NTN4: variants seen among roughly 807,000 people sequenced by gnomAD.
The protein encoded by NTN4 is netrin 4.
NTN4 carries 32 observed loss-of-function variants against 73.6 expected under a neutral mutation model. That is an observed-to-expected ratio of 0.44 (90% CI 0.33 to 0.58). The LOEUF is 0.58. Among genes scored for constraint, NTN4 ranks in the 20% least tolerant of loss-of-function variants. The pLI, the probability that NTN4 is intolerant of heterozygous loss-of-function variation, is 0.04. For missense variants in NTN4, 654 were observed against 798.3 expected (o/e 0.82, Z 2.18); for synonymous variants, 258 against 287.5 (o/e 0.90, Z 1.04).
At chr12:95,679,956 T>A (rs2078303110) in intron 7 of NTN4, among the ~76,000 whole-genome samples, 1 of 152,152 alleles carries the variant, frequency 6.6e-6, no homozygotes, top group African/African-American at 2.4e-5. Context: ...CTAAACTCTC[T>A]TTTCTCTGCC....
chr12:95,693,879 C>G (rs1374315771), intron 5 of NTN4, among the ~76,000 whole-genome samples: 1 of 151,912 alleles, frequency 6.6e-6, no homozygotes, highest in Non-Finnish European at 1.5e-5. Context: ...AGCGGTCAAC[C>G]TGCATGAATA....
chr12:95,707,653 T>C (rs11831705), intron 5 of NTN4, among the ~76,000 whole-genome samples: 3,172 of 152,322 alleles, frequency 0.021, 108 homozygotes, highest in African/African-American at 0.072. Flanking sequence ...CTGTCTCCTC[T>C]ATCAGAATAT....
chr12:95,676,882 G>T (rs1388793453), intron 7 of NTN4, among the ~76,000 whole-genome samples: 3 of 152,134 alleles, frequency 2.0e-5, no homozygotes, highest in Non-Finnish European at 2.9e-5. Flanking sequence ...TTGAGTAAAG[G>T]TTAAATAAAT....
At chr12:95,668,314 G>T (rs1565877388) in intron 8 of NTN4, among the ~76,000 whole-genome samples, 1 of 152,122 alleles carries the variant, frequency 6.6e-6, no homozygotes, top group Admixed American at 6.5e-5. Context: ...TTGGTTATTT[G>T]TAAATTCAGA....
intron 3 of NTN4, among the ~76,000 whole-genome samples, chr12:95,731,177 C>T (rs1414564640): frequency 6.6e-6 from 1 of 152,170 alleles, no homozygotes; most frequent in African/African-American, 2.4e-5. Context: ...ATGTAGAGGA[C>T]TTGGATAGTT....
chr12:95,700,750 A>G (rs973186118), intron 5 of NTN4, among the ~76,000 whole-genome samples: 1 of 151,754 alleles, frequency 6.6e-6, no homozygotes, highest in Non-Finnish European at 1.5e-5. Context: ...TTATCTAGGA[A>G]GGTTATTCTC....
At chr12:95,664,949 A>G (rs1011815486) in intron 9 of NTN4, among the ~76,000 whole-genome samples, 9 of 152,082 alleles carry the variant, frequency 5.9e-5, no homozygotes, top group African/African-American at 2.2e-4. Flanking sequence ...CAGTGCCGCT[A>G]AGACACAGAT....
intron 7 of NTN4, among the ~76,000 whole-genome samples, chr12:95,675,277 T>A (rs952415266): frequency 1.3e-5 from 2 of 152,210 alleles, no homozygotes; most frequent in Non-Finnish European, 2.9e-5. Context: ...AAAACCATGA[T>A]ACAGATGGGC....
At chr12:95,695,520 A>C (rs1214527129) in intron 5 of NTN4, among the ~76,000 whole-genome samples, 1 of 152,018 alleles carries the variant, frequency 6.6e-6, no homozygotes, top group Non-Finnish European at 1.5e-5. Flanking sequence ...GTGTGCCACC[A>C]CACCTGGCTA....
intron 2 of NTN4, among the ~76,000 whole-genome samples, chr12:95,766,651 G>A (rs1203700328): frequency 6.6e-6 from 1 of 152,134 alleles, no homozygotes; most frequent in Non-Finnish European, 1.5e-5. Flanking sequence ...ATTATATAAC[G>A]AGGTTTCTCA....
intron 9 of NTN4, among the ~76,000 whole-genome samples, chr12:95,663,010 C>T (rs2120912878): frequency 6.6e-6 from 1 of 152,142 alleles, no homozygotes; most frequent in African/African-American, 2.4e-5. Flanking sequence ...GTCCTAGCTA[C>T]TCAAGAGGCT....
intron 8 of NTN4, 152 bp downstream of exon 8, chr12:95,669,926 C>T (rs1229097752): frequency 2.1e-6 from 1 of 465,544 alleles, no homozygotes; most frequent in Non-Finnish European, 3.8e-6. Flanking sequence ...TAGCTCAAGA[C>T]CAGAACACTG....
At chr12:95,695,998 C>A (rs1207577223) in intron 5 of NTN4, among the ~76,000 whole-genome samples, 1 of 148,988 alleles carries the variant, frequency 6.7e-6, no homozygotes, top group Non-Finnish European at 1.5e-5. Context: ...CCTTCCCCTT[C>A]CCCTTTCCCT....
At chr12:95,734,694 G>A (rs1404623615) in intron 3 of NTN4, among the ~76,000 whole-genome samples, 10 of 152,156 alleles carry the variant, frequency 6.6e-5, no homozygotes, top group Non-Finnish European at 1.5e-5. Flanking sequence ...TAAGGCAAAA[G>A]GCTATACTTT....
chr12:95,686,614 C>T (rs891618416), intron 5 of NTN4, among the ~76,000 whole-genome samples: 8 of 151,908 alleles, frequency 5.3e-5, no homozygotes, highest in African/African-American at 9.7e-5. Flanking sequence ...AAACATTAGC[C>T]GGGCGTGATG....
intron 2 of NTN4, among the ~76,000 whole-genome samples, chr12:95,747,540 G>A (rs929129080): frequency 3.3e-5 from 5 of 152,140 alleles, no homozygotes; most frequent in African/African-American, 1.2e-4. Context: ...CTGGCCTCAA[G>A]AGATCTTCCT....
At chr12:95,698,655 G>C (rs1249287370) in intron 5 of NTN4, among the ~76,000 whole-genome samples, 1 of 152,060 alleles carries the variant, frequency 6.6e-6, no homozygotes, top group South Asian at 2.1e-4. Context: ...TTCAAGACCA[G>C]CCTGGGGAAC....
intron 3 of NTN4, among the ~76,000 whole-genome samples, chr12:95,716,497 TTGAG>T (rs2078606172): frequency 6.6e-6 from 1 of 152,240 alleles, no homozygotes; most frequent in African/African-American, 2.4e-5. Flanking sequence ...TTGAAGATTT[TTGAG>T]TAAGGAAATG....
chr12:95,751,671 C>T (rs1046564650), intron 2 of NTN4, among the ~76,000 whole-genome samples: 8 of 152,108 alleles, frequency 5.3e-5, no homozygotes, highest in African/African-American at 1.9e-4. Context: ...CCGATCACCT[C>T]GGAAGCCCCC....
Sources: allele counts gnomAD v4.1 joint callset (sites outside exome capture counted in the v4.1 genomes callset), GRCh38; gene constraint gnomAD v4.1.1; transcripts MANE v1.5; gene names NCBI Gene and HGNC (gene_info 2026-07-23, HGNC 2026-07-21).